TMEM179: variants seen among roughly 807,000 people sequenced by gnomAD.
TMEM179 encodes the protein transmembrane protein 179, also known as transmembrane protein 179A.
In TMEM179, 17 loss-of-function variants were observed where a neutral mutation model predicts 22.2. That is an observed-to-expected ratio of 0.77 (90% CI 0.52 to 1.15). The LOEUF (loss-of-function observed/expected upper bound fraction) is 1.15. Among genes scored for constraint, TMEM179 ranks in the 50% most tolerant of loss-of-function variants. The probability of loss-of-function intolerance (pLI) is 0.00; values close to 1 mark genes in which losing one functional copy is unlikely to be tolerated. For missense variants in TMEM179, 265 were observed against 313.6 expected (o/e 0.84, Z 1.17); for synonymous variants, 127 against 140.5 (o/e 0.90, Z 0.68).
chr14:104,600,289 A>G (rs1256828290), intron 1 of TMEM179, among the ~76,000 whole-genome samples: 1 of 152,238 alleles, frequency 6.6e-6, no homozygotes, highest in Non-Finnish European at 1.5e-5. Flanking sequence ...CGGCACATGC[A>G]GGGTTAACCC....
chr14:104,594,703 C>A, intron 3 of TMEM179: 2 of 1,174,790 alleles, frequency 1.7e-6, no homozygotes, highest in African/African-American at 1.6e-5. Flanking sequence ...CAAGTGGGAT[C>A]CCCTGCCTCC....
Position 104,595,355 on chromosome 14 carries a change from G to A in TMEM179, c.444-112C>T, listed in dbSNP as rs1886985744. On this transcript the variant is annotated intron_variant, in intron 2 of 3. Transcript: ENST00000556573. The surrounding 1 kb of genome is among the most constrained non-coding windows in gnomAD (Gnocchi z 5.7). ...CTTTGCCCTACAATTGTTGGGCGAG[G>A]GGGTGGGCAGCAGGGAGTCTCTGGG... 21 of 1,058,158 alleles carry A rather than the reference G, an allele frequency of 2.0e-5. No individual in the cohort carries two copies. The highest frequency in any genetic ancestry group is 2.9e-5 in the Non-Finnish European group (21 of 726,002). The allele number at this position is 1,058,158 out of a possible 1,614,324, so 65.5% of individuals were successfully genotyped here.
At position 104,593,310 on chromosome 14, in the gene TMEM179, C is replaced by T; in HGVS notation, c.*169G>A. The T allele has an allele frequency of 1.3e-6, 1 of 752,438 alleles. No homozygotes were observed. The highest frequency in any genetic ancestry group is 2.1e-6 in the Non-Finnish European group (1 of 466,538). 46.6% of individuals were successfully genotyped at this position (752,438 alleles called of 1,614,324 possible). A position where few individuals can be genotyped will look rare whatever the true frequency, so the allele number is the denominator to read the frequency against. The stretch of plus-strand genomic sequence containing the variant: ...CCCACCCAGTCCACTGCCAGGCTCA[C>T]AGGTGGGCACTGGGGCGCTCACCTC... On this transcript the variant is annotated 3_prime_UTR_variant, in exon 4 of 4. Transcript: ENST00000556573.
rs772550827 is a variant in TMEM179 at position 104,604,541 on chromosome 14, C to A, written c.201G>T (p.Pro67=). The A allele has an allele frequency of 2.0e-6, 3 of 1,536,970 alleles. No individual in the cohort carries two copies. The change falls in exon 1 of 4, where the codon CCG becomes CCT. Residue 67 remains proline, a synonymous_variant. Transcript: ENST00000556573. This position sits in a 1 kb window ranked among gnomAD's most constrained non-coding sequence, Gnocchi z 4.6. The stretch of plus-strand genomic sequence containing the variant: ...GCAGGCTGAAGCGGCAGGCGGCCGG[C>A]GGGCCCCACTCCTGCACCGTGAAGC... ...RERFTVQEWG[P]PAACRFSLLA...
chr14:104,591,292 C>A lies in TMEM179; in HGVS notation c.*2187G>T, dbSNP rs1886836054. ...GGGGCCAAGCCTCAGGTTCCAGAAG[C>A]CACCCCTGCCTCCTGCCCCTCCTTC... On this transcript the variant is annotated 3_prime_UTR_variant, in exon 4 of 4. Coordinates refer to ENST00000556573, the MANE Select transcript of TMEM179 (RefSeq NM_001286389.2). 4.5e-6 allele frequency: 2 copies of A among 443,552 alleles called. No homozygotes were observed. Among genetic ancestry groups the A allele is most frequent in the Admixed American group, 2.5e-5 (1 of 40,316 alleles). The allele number at this position is 443,552 out of a possible 1,614,324, so 27.5% of individuals were successfully genotyped here.
rs1012379074 is a variant in TMEM179, at chr14:104,595,116, G to T, written c.522+49C>A. ...GCTCAGCAAATGTCCAGCAGTAAAT[G>T]GCCCCCTCCCAGCATTGCAAGCCTC... On this transcript the variant is annotated intron_variant, in intron 3 of 3. Transcript: ENST00000556573. The surrounding 1 kb of genome is among the most constrained non-coding windows in gnomAD (Gnocchi z 5.7). The T allele has an allele frequency of 3.1e-5, 50 of 1,611,958 alleles. No individual in the cohort carries two copies. Among genetic ancestry groups the T allele is most frequent in the African/African-American group, 6.7e-5 (5 of 74,892 alleles).
chr14:104,603,502 CCACAGAGGGAGTGGGTGGGTT>C (rs1566747155), intron 1 of TMEM179, among the ~76,000 whole-genome samples: 12 of 135,824 alleles, frequency 8.8e-5, no homozygotes, highest in African/African-American at 2.8e-4. Flanking sequence ...CAGAGGGCAC[CCACAGAGGGAGTGGGTGGGTT>C]CACAGAGGGA....
At position 104,604,257 on chromosome 14, in the gene TMEM179, C is replaced by A. The variant is rs1251151147; in HGVS notation, c.305+180G>T. Reference sequence around the variant, plus strand: ...CGCAGGACCGGTGGTCGTCATGGTCCCTGGATGTGTGTGTAGACAAAGGGC... The same window carrying A: ...CGCAGGACCGGTGGTCGTCATGGTCACTGGATGTGTGTGTAGACAAAGGGC... On this transcript the variant is annotated intron_variant, in intron 1 of 3. Coordinates refer to ENST00000556573, the MANE Select transcript of TMEM179 (RefSeq NM_001286389.2). The surrounding 1 kb of genome is among the most constrained non-coding windows in gnomAD (Gnocchi z 4.6). 6.6e-6 allele frequency among the ~76,000 whole-genome samples: 1 copy of A among 151,938 alleles called. No individual in the cohort carries two copies. Among genetic ancestry groups the A allele is most frequent in the African/African-American group, 2.4e-5 (1 of 41,344 alleles).
Position 104,593,384 on chromosome 14 carries a change from G to A in TMEM179, c.*95C>T, listed in dbSNP as rs1216115386. On this transcript the variant is annotated 3_prime_UTR_variant, in exon 4 of 4. Transcript: ENST00000556573. The stretch of plus-strand genomic sequence containing the variant: ...ACACGCAGGGCTGCATGTGGCCAGG[G>A]CCCAGGCAGAGCCCCCCAGCTGCTT... The A allele has an allele frequency of 6.9e-7, 1 of 1,451,952 alleles. No individual in the cohort carries two copies. The allele number at this position is 1,451,952 out of a possible 1,614,324, so 89.9% of individuals were successfully genotyped here. A position where few individuals can be genotyped will look rare whatever the true frequency, so the allele number is the denominator to read the frequency against.
intron 3 of TMEM179, among the ~76,000 whole-genome samples, chr14:104,593,906 G>A (rs1381524257): frequency 6.6e-6 from 1 of 152,230 alleles, no homozygotes; most frequent in East Asian, 1.9e-4. Context: ...TGGTGCAAAA[G>A]CCCTGGGCAC....
At chr14:104,594,039 G>A in intron 3 of TMEM179, 1 of 1,229,468 alleles carries the variant, frequency 8.1e-7, no homozygotes, top group Non-Finnish European at 1.0e-6. Context: ...AAACAGCGGA[G>A]GCTCCTCCAA....
rs1033742968 is a variant in TMEM179 at position 104,604,083 on chromosome 14, C to G, written c.305+354G>C. On this transcript the variant is annotated intron_variant, in intron 1 of 3. Coordinates refer to ENST00000556573, the MANE Select transcript of TMEM179 (RefSeq NM_001286389.2). This position sits in a 1 kb window ranked among gnomAD's most constrained non-coding sequence, Gnocchi z 4.6. Reference sequence around the variant, plus strand: ...CCCTAGACCGGGCTGGGAGTTGTCGCCGGTCCTGGCGAGTGTGGCCCGGCT... The same window carrying G: ...CCCTAGACCGGGCTGGGAGTTGTCGGCGGTCCTGGCGAGTGTGGCCCGGCT... Among the ~76,000 whole-genome samples the G allele has an allele frequency of 6.6e-6, 1 of 152,206 alleles. No homozygotes were observed. The highest frequency in any genetic ancestry group is 1.5e-5 in the Non-Finnish European group (1 of 68,028).
chr14:104,593,660 T>C lies in TMEM179; in HGVS notation c.523-2A>G, dbSNP rs1596295390. 4.8e-6 allele frequency: 7 copies of C among 1,467,052 alleles called. No homozygotes were observed. The East Asian group carries it at 1.7e-4, about 36-fold the overall frequency. The allele number at this position is 1,467,052 out of a possible 1,614,324, so 90.9% of individuals were successfully genotyped here. ...CAGCCATGAGGCCCAGAGGCCAAAC[T>C]GCACAGAGGGCAGGGTCAGGGTCAG... On this transcript the variant is annotated splice_acceptor_variant, in intron 3 of 3. Coordinates refer to ENST00000556573, the MANE Select transcript of TMEM179 (RefSeq NM_001286389.2). LOFTEE classifies it high-confidence loss of function.
chr14:104,593,769 G>A lies in TMEM179; in HGVS notation c.523-111C>T, dbSNP rs954428079. 1.6e-5 allele frequency: 20 copies of A among 1,251,386 alleles called. No individual in the cohort carries two copies. In the East Asian group the frequency reaches 3.9e-4, roughly 24 times the overall value. The allele number at this position is 1,251,386 out of a possible 1,614,324, so 77.5% of individuals were successfully genotyped here. A position where few individuals can be genotyped will look rare whatever the true frequency, so the allele number is the denominator to read the frequency against. ...CTGCAGGGAAAGGACAGGACTCAGA[G>A]GAAGGAGGAGGCCGGGGACATGGGG... On this transcript the variant is annotated intron_variant, in intron 3 of 3. Coordinates refer to ENST00000556573, the MANE Select transcript of TMEM179 (RefSeq NM_001286389.2).
In TMEM179 at chr14:104,592,282, TCA is replaced by T. The variant is rs1032452397; in HGVS notation, c.*1195_*1196del. 6.5e-6 allele frequency: 1 copy of T among 153,956 alleles called. No homozygotes were observed. Among genetic ancestry groups the T allele is most frequent in the African/African-American group, 2.4e-5 (1 of 41,290 alleles). 9.5% of individuals were successfully genotyped at this position (153,956 alleles called of 1,614,324 possible). On this transcript the variant is annotated 3_prime_UTR_variant, in exon 4 of 4. Transcript: ENST00000556573. ...CACACCTACACACTCTTCCTCACAC[TCA>T]CATGCATGCACACTCATGTCACAGG... is the stretch of plus-strand genomic sequence containing the variant.
In TMEM179 at chr14:104,595,376, CTG is replaced by C; in HGVS notation, c.444-135_444-134del. On this transcript the variant is annotated intron_variant, in intron 2 of 3. Coordinates refer to ENST00000556573, the MANE Select transcript of TMEM179 (RefSeq NM_001286389.2). The surrounding 1 kb of genome is among the most constrained non-coding windows in gnomAD (Gnocchi z 5.7). ...CGAGGGGGTGGGCAGCAGGGAGTCT[CTG>C]GGGACATCACGGAGGGTTAGCCTCG... is the stretch of plus-strand genomic sequence containing the variant. The C allele has an allele frequency of 1.2e-6, 1 of 830,968 alleles. No homozygotes were observed. Among genetic ancestry groups the C allele is most frequent in the South Asian group, 1.7e-5 (1 of 58,178 alleles). The allele number at this position is 830,968 out of a possible 1,614,324, so 51.5% of individuals were successfully genotyped here. A position where few individuals can be genotyped will look rare whatever the true frequency, so the allele number is the denominator to read the frequency against.
In TMEM179 at chr14:104,593,075, G is replaced by A. The variant is rs1041935257; in HGVS notation, c.*404C>T. 4 of 228,770 alleles carry A rather than the reference G, an allele frequency of 1.7e-5. No homozygotes were observed. Among genetic ancestry groups the A allele is most frequent in the Non-Finnish European group, 3.4e-5 (4 of 116,338 alleles). The allele number at this position is 228,770 out of a possible 1,614,324, so 14.2% of individuals were successfully genotyped here. A position where few individuals can be genotyped will look rare whatever the true frequency, so the allele number is the denominator to read the frequency against. ...AGAATTCATGCAGAATTCGTTCAGG[G>A]CTAAGTGACATCTGGCCACCCCTGG... is the stretch of plus-strand genomic sequence containing the variant. On this transcript the variant is annotated 3_prime_UTR_variant, in exon 4 of 4. Transcript: ENST00000556573.
Position 104,604,576 on chromosome 14 carries a change from C to A in TMEM179, c.166G>T (p.Glu56Ter). ...MWLSANLTVQ[E>*]RERFTVQEWG... ...TCCTGCACCGTGAAGCGCTCGCGCT[C>A]CTGCACCGTGAGGTTGGCGCTCAGC... The change falls in exon 1 of 4, where the codon GAG becomes TAG. Residue 56 changes from glutamate to a stop codon, truncating the protein, a stop_gained. Transcript: ENST00000556573. LOFTEE classifies it high-confidence loss of function. This position sits in a 1 kb window ranked among gnomAD's most constrained non-coding sequence, Gnocchi z 4.6. 1 of 1,542,386 alleles carries A rather than the reference C, an allele frequency of 6.5e-7. No homozygotes were observed. The highest frequency in any genetic ancestry group is 8.7e-7 in the Non-Finnish European group (1 of 1,147,562).
rs1038708428 is a variant in TMEM179 at position 104,592,001 on chromosome 14, TC to T, written c.*1477del. ...CGGGGTCCCAGGTTCACATCCCAGC[TC>T]CTCCACTTGCTTCTGCGGGGCCTCA... On this transcript the variant is annotated 3_prime_UTR_variant, in exon 4 of 4. Coordinates refer to ENST00000556573, the MANE Select transcript of TMEM179 (RefSeq NM_001286389.2). The T allele has an allele frequency of 3.8e-5, 6 of 155,966 alleles. No individual in the cohort carries two copies. Among genetic ancestry groups the T allele is most frequent in the African/African-American group, 1.5e-4 (6 of 41,378 alleles). The allele number at this position is 155,966 out of a possible 1,614,324, so 9.7% of individuals were successfully genotyped here.
Sources: gnomAD v4.1 joint callset for allele counts (sites outside exome capture counted in the v4.1 genomes callset) on GRCh38, gnomAD v4.1.1 for gene constraint, Gnocchi (gnomAD v3.1) non-coding constraint, MANE v1.5 for transcripts, NCBI Gene and HGNC (gene_info 2026-07-23, HGNC 2026-07-21) for gene names.